CRADD: variants seen among roughly 807,000 people sequenced by gnomAD.
The protein encoded by CRADD is death domain-containing protein CRADD.
Under a neutral mutation model 15.5 loss-of-function variants are expected in CRADD, and 9 were observed. That is an observed-to-expected ratio of 0.58 (90% CI 0.35 to 1.01). The LOEUF (loss-of-function observed/expected upper bound fraction) is 1.01, where lower values mean the gene tolerates loss of function less well. Among genes scored for constraint, CRADD ranks in the 50% least tolerant of loss-of-function variants. CRADD has a pLI of 0.02. For synonymous variants in CRADD, 118 were observed against 107.6 expected, an observed-to-expected ratio of 1.10 and a Z score of -0.60; for missense variants, 227 against 250.3, an observed-to-expected ratio of 0.91 and a Z score of 0.63.
At chr12:93,789,846 A>G (rs1379334241) in intron 2 of CRADD, among the ~76,000 whole-genome samples, 1 of 152,222 alleles carries the variant, frequency 6.6e-6, no homozygotes, top group Non-Finnish European at 1.5e-5. Flanking sequence ...TGTAGAAGAT[A>G]GCTTCTAGAA....
chr12:93,845,799 A>G (rs1958107770), intron 2 of CRADD, among the ~76,000 whole-genome samples: 2 of 152,196 alleles, frequency 1.3e-5, no homozygotes, highest in African/African-American at 2.4e-5. Flanking sequence ...TAAAATGTAC[A>G]TAACATAGAA....
chr12:93,723,842 A>G (rs141834940), intron 2 of CRADD, among the ~76,000 whole-genome samples: 10 of 152,252 alleles, frequency 6.6e-5, no homozygotes, highest in African/African-American at 2.4e-4. Flanking sequence ...CAGGGTCGCT[A>G]GACTCGGCTG....
At chr12:93,848,340 G>C (rs1230988553) in intron 2 of CRADD, among the ~76,000 whole-genome samples, 1 of 152,142 alleles carries the variant, frequency 6.6e-6, no homozygotes, top group East Asian at 1.9e-4. Flanking sequence ...GGTGCTGGCC[G>C]CTGCCCAGAG....
chr12:93,870,619 C>G (rs1958410294), intron 2 of CRADD, among the ~76,000 whole-genome samples: 1 of 152,196 alleles, frequency 6.6e-6, no homozygotes, highest in Admixed American at 6.5e-5. Flanking sequence ...GCCAAGAGTA[C>G]TGGGGCTCCA....
chr12:93,796,256 G>C (rs1269056392), intron 2 of CRADD, among the ~76,000 whole-genome samples: 1 of 151,858 alleles, frequency 6.6e-6, no homozygotes, highest in African/African-American at 2.4e-5. Context: ...TCCTTTGCAT[G>C]GTATAAATAC....
At chr12:93,827,061 C>G (rs887632575) in intron 2 of CRADD, among the ~76,000 whole-genome samples, 1 of 152,138 alleles carries the variant, frequency 6.6e-6, no homozygotes, top group Admixed American at 6.5e-5. Context: ...AAACCCCCAG[C>G]TTTATTGAGG....
intron 2 of CRADD, among the ~76,000 whole-genome samples, chr12:93,787,128 AT>A (rs11315592): frequency 0.22 from 23,959 of 107,606 alleles, 2,545 homozygotes; most frequent in African/African-American, 0.32. Flanking sequence ...TCTGCTGAAG[AT>A]TTTTTTTTTT....
chr12:93,696,419 C>T (rs911532524), intron 2 of CRADD, among the ~76,000 whole-genome samples: 2 of 151,966 alleles, frequency 1.3e-5, no homozygotes, highest in Admixed American at 6.6e-5. Flanking sequence ...AAAGAAATAC[C>T]GTCATTTGTG....
intron 2 of CRADD, among the ~76,000 whole-genome samples, chr12:93,883,057 G>A (rs1958513838): frequency 6.6e-6 from 1 of 152,110 alleles, no homozygotes; most frequent in Non-Finnish European, 1.5e-5. Context: ...AAAATATTCA[G>A]CATAATTAAG....
In CRADD at chr12:93,827,965, A is replaced by G. The variant is rs554480298; in HGVS notation, c.299-22005A>G. Among the ~76,000 whole-genome samples, 5 of 152,296 alleles carry G rather than the reference A, an allele frequency of 3.3e-5. No homozygotes were observed. The East Asian group carries it at 9.6e-4, about 29-fold the overall frequency. On this transcript the variant is annotated intron_variant, in intron 2 of 2. Coordinates refer to ENST00000332896, the MANE Select transcript of CRADD (RefSeq NM_003805.5). ...TTTGACTATATTAGATACCTCAAAT[A>G]AGTGGAATCATGTAGTATTTGTCTT...
At chr12:93,744,055 G>C (rs773427482) in intron 2 of CRADD, among the ~76,000 whole-genome samples, 1 of 151,734 alleles carries the variant, frequency 6.6e-6, no homozygotes, top group South Asian at 2.1e-4. Context: ...TTTCTATTAC[G>C]GGCATAACAG....
Position 93,678,976 on chromosome 12 carries a change from GCATTTGATACATTC to G in CRADD, c.204_217del (p.Phe69ArgfsTer28). The G allele has an allele frequency of 6.2e-7, 1 of 1,614,094 alleles. No individual in the cohort carries two copies. The highest frequency in any genetic ancestry group is 8.5e-7 in the Non-Finnish European group (1 of 1,179,958). On this transcript the variant is annotated frameshift_variant, in exon 2 of 3. Coordinates refer to ENST00000332896, the MANE Select transcript of CRADD (RefSeq NM_003805.5). LOFTEE classifies it high-confidence loss of function. ...TATCCTACCTTCCAGGGGCCCTAAA[GCATTTGATACATTC>G]CTAGATTCCCTACAGGAGTTTCCCT...
downstream of CRADD, chr12:93,850,876 T>G: frequency 2.8e-6 from 1 of 356,658 alleles, no homozygotes; most frequent in Non-Finnish European, 3.9e-6. This position sits in a 1 kb window ranked among gnomAD's most constrained non-coding sequence, Gnocchi z 4.0. Flanking sequence ...GTGAAATGGT[T>G]ACTTTCCCAA....
intron 2 of CRADD, among the ~76,000 whole-genome samples, chr12:93,770,653 T>C (rs944037763): frequency 6.6e-6 from 1 of 152,266 alleles, no homozygotes; most frequent in African/African-American, 2.4e-5. Context: ...CTTATTCTCT[T>C]CCACTGGTGT....
At chr12:93,743,020 GTAT>G (rs1292699797) in intron 2 of CRADD, among the ~76,000 whole-genome samples, 1 of 152,148 alleles carries the variant, frequency 6.6e-6, no homozygotes, top group Non-Finnish European at 1.5e-5. Context: ...TTTCGTTTTA[GTAT>G]TATGCATATT....
At chr12:93,702,159 T>A (rs936915398) in intron 2 of CRADD, among the ~76,000 whole-genome samples, 1 of 152,176 alleles carries the variant, frequency 6.6e-6, no homozygotes, top group Non-Finnish European at 1.5e-5. Flanking sequence ...GGTTCTTAAA[T>A]CTTAAATGAG....
At position 93,884,481 on chromosome 12, in the gene CRADD, C is replaced by T. The variant is rs550421622; in HGVS notation, c.299-9569C>T. On this transcript the variant is annotated intron_variant, in intron 2 of 2. Transcript: ENST00000548483. The stretch of plus-strand genomic sequence containing the variant: ...GTCCCAGATGAAGCCTACTATTTCC[C>T]GACTGATTCTTTCTGAATAACGCCC... Among the ~76,000 whole-genome samples, 168 of 152,220 alleles carry T rather than the reference C, an allele frequency of 1.1e-3. 1 individual carries two copies. Among genetic ancestry groups the T allele is most frequent in the African/African-American group, 4.0e-3 (166 of 41,530 alleles).
intron 2 of CRADD, among the ~76,000 whole-genome samples, chr12:93,703,685 T>C (rs1185031452): frequency 2.0e-5 from 3 of 152,006 alleles, no homozygotes; most frequent in Non-Finnish European, 4.4e-5. Context: ...AATAATTTTT[T>C]ACTTTGAAAT....
At chr12:93,740,784 T>C (rs949247087) in intron 2 of CRADD, among the ~76,000 whole-genome samples, 3 of 152,230 alleles carry the variant, frequency 2.0e-5, no homozygotes, top group African/African-American at 7.2e-5. Flanking sequence ...ATAGTTTTTT[T>C]CTAATAGAAA....
Sources: gnomAD v4.1 joint callset for allele counts (sites outside exome capture counted in the v4.1 genomes callset) on GRCh38, gnomAD v4.1.1 for gene constraint, Gnocchi (gnomAD v3.1) non-coding constraint, MANE v1.5 for transcripts, NCBI Gene and HGNC (gene_info 2026-07-23, HGNC 2026-07-21) for gene names.